The following SCAPER variants were observed in gnomAD, a reference collection of about 807,000 sequenced individuals.
SCAPER encodes the protein S-phase cyclin A associated protein in the ER, also known as S phase cyclin A-associated protein in the endoplasmic reticulum.
In SCAPER, 98 loss-of-function variants were observed where a neutral mutation model predicts 182.2. The ratio of observed to expected loss-of-function variants is 0.54; its 90% confidence interval spans 0.46 to 0.64. The LOEUF (loss-of-function observed/expected upper bound fraction) is 0.64. Among genes scored for constraint, SCAPER ranks in the 30% least tolerant of loss-of-function variants. The probability of loss-of-function intolerance (pLI) is 0.00; values close to 1 mark genes in which losing one functional copy is unlikely to be tolerated. For synonymous variants in SCAPER, 605 were observed against 564.6 expected (o/e 1.07, Z -1.01); for missense variants, 1,432 against 1,690.0 (o/e 0.85, Z 2.68).
intron 29 of SCAPER, among the ~76,000 whole-genome samples, chr15:76,374,488 CT>C (rs779428116): frequency 2.9e-3 from 397 of 135,416 alleles, no homozygotes; most frequent in Admixed American, 3.0e-3. Context: ...GAGTAGGGGG[CT>C]TTTTTTTTTT....
chr15:76,894,719 TATAGAA>T (rs1280743916), intron 1 of SCAPER, among the ~76,000 whole-genome samples: 1 of 152,094 alleles, frequency 6.6e-6, no homozygotes, highest in Non-Finnish European at 1.5e-5. Context: ...CAACTGATAT[TATAGAA>T]ATAAAGGGAT....
At chr15:76,722,891 T>A (rs548070067) in intron 17 of SCAPER, among the ~76,000 whole-genome samples, 1 of 152,202 alleles carries the variant, frequency 6.6e-6, no homozygotes, top group Non-Finnish European at 1.5e-5. Flanking sequence ...CCTGGATTCA[T>A]TGATTTTTTG....
At chr15:76,817,170 T>C (rs926628229) in intron 5 of SCAPER, among the ~76,000 whole-genome samples, 2 of 152,238 alleles carry the variant, frequency 1.3e-5, no homozygotes, top group Non-Finnish European at 2.9e-5. Context: ...ACCACCATTG[T>C]AGGTCAGCTG....
intron 2 of SCAPER, among the ~76,000 whole-genome samples, chr15:76,868,034 A>G (rs894790997): frequency 6.6e-6 from 1 of 152,176 alleles, no homozygotes; most frequent in African/African-American, 2.4e-5. Flanking sequence ...TGATAGAGTC[A>G]TAAGATAAAA....
At chr15:76,482,152 T>A (rs1266859312) in intron 24 of SCAPER, among the ~76,000 whole-genome samples, 5 of 152,180 alleles carry the variant, frequency 3.3e-5, no homozygotes, top group Non-Finnish European at 7.4e-5. Context: ...CTTCAAGGGG[T>A]ACAAAACTGT....
chr15:76,399,397 C>G (rs1448495065), intron 27 of SCAPER, among the ~76,000 whole-genome samples: 2 of 152,142 alleles, frequency 1.3e-5, no homozygotes, highest in African/African-American at 4.8e-5. Flanking sequence ...CTTGGCCTCC[C>G]AAAGTGCTGG....
intron 2 of SCAPER, among the ~76,000 whole-genome samples, chr15:76,874,902 T>G: frequency 6.6e-6 from 1 of 151,982 alleles, no homozygotes; most frequent in South Asian, 2.1e-4. Flanking sequence ...GTTCAAGGTT[T>G]CAGTGAGCTA....
intron 26 of SCAPER, among the ~76,000 whole-genome samples, chr15:76,424,722 T>G (rs1346866022): frequency 6.6e-6 from 1 of 152,226 alleles, no homozygotes; most frequent in African/African-American, 2.4e-5. Flanking sequence ...TCAATGGTCT[T>G]TACAATTTGG....
intron 5 of SCAPER, among the ~76,000 whole-genome samples, chr15:76,824,728 T>A (rs1410812427): frequency 1.3e-5 from 2 of 152,082 alleles, no homozygotes; most frequent in Non-Finnish European, 2.9e-5. Context: ...CTCATTTTTT[T>A]AAAATATCTC....
intron 4 of SCAPER, 66 bp from the exon 5 acceptor site, chr15:76,841,997 TAAAG>T: frequency 7.1e-7 from 1 of 1,406,622 alleles, no homozygotes; most frequent in South Asian, 1.3e-5. Flanking sequence ...GGATTTTTTA[TAAAG>T]ATTCAATCAA....
chr15:76,781,349 A>C (rs759980205), intron 8 of SCAPER, among the ~76,000 whole-genome samples: 2 of 152,228 alleles, frequency 1.3e-5, no homozygotes, highest in Non-Finnish European at 2.9e-5. Flanking sequence ...AAAAAGAGTA[A>C]AAAGAAACGA....
chr15:76,807,442 T>A (rs892903138), intron 5 of SCAPER, among the ~76,000 whole-genome samples: 11 of 152,234 alleles, frequency 7.2e-5, no homozygotes, highest in African/African-American at 2.4e-4. Flanking sequence ...CTGCTAGATT[T>A]GGTTTGCTAT....
At chr15:76,414,608 CCAAA>C (rs1433077840) in intron 26 of SCAPER, among the ~76,000 whole-genome samples, 2 of 151,902 alleles carry the variant, frequency 1.3e-5, no homozygotes, top group Admixed American at 6.6e-5. Context: ...ATGGAAAAGA[CCAAA>C]CAGTTATGTG....
At chr15:76,376,066 T>G in intron 29 of SCAPER, 96 bp downstream of exon 29, 1 of 1,481,450 alleles carries the variant, frequency 6.8e-7, no homozygotes, top group Non-Finnish European at 9.2e-7. Flanking sequence ...CAGAGGACAT[T>G]TGGGTTCCAG....
At chr15:76,896,641 T>G (rs1461324558) in intron 1 of SCAPER, among the ~76,000 whole-genome samples, 1 of 152,022 alleles carries the variant, frequency 6.6e-6, no homozygotes, top group African/African-American at 2.4e-5. Flanking sequence ...CCTGGCACAG[T>G]GGTTCATGCC....
rs77430099 is a variant in SCAPER at position 76,472,087 on chromosome 15, C to T, written c.2955-752G>A. ...CCTGCATCCATAGCATATGTCCTGCCGCATCACTGCCATGCCCAAGAAAAA... is the reference window on the plus strand; with the variant it reads ...CCTGCATCCATAGCATATGTCCTGCTGCATCACTGCCATGCCCAAGAAAAA... On this transcript the variant is annotated intron_variant, in intron 24 of 31. Coordinates refer to ENST00000563290, the MANE Select transcript of SCAPER (RefSeq NM_020843.4). 731 of 342,118 alleles carry T rather than the reference C, an allele frequency of 2.1e-3. 2 individuals are homozygous for T. The highest frequency in any genetic ancestry group is 3.4e-3 in the Non-Finnish European group (596 of 176,288). The allele number at this position is 342,118 out of a possible 1,614,324, so 21.2% of individuals were successfully genotyped here. A position where few individuals can be genotyped will look rare whatever the true frequency, so the allele number is the denominator to read the frequency against.
chr15:76,802,641 T>C (rs2065879648), intron 6 of SCAPER, among the ~76,000 whole-genome samples: 1 of 152,204 alleles, frequency 6.6e-6, no homozygotes, highest in African/African-American at 2.4e-5. Context: ...CCTTCTGGAT[T>C]TCTCCCTTGG....
chr15:76,421,280 C>T (rs1403844603), intron 26 of SCAPER, among the ~76,000 whole-genome samples: 2 of 152,188 alleles, frequency 1.3e-5, no homozygotes, highest in Non-Finnish European at 2.9e-5. Context: ...TCTCCAGCAC[C>T]TGCTGTTTCC....
At chr15:76,821,768 G>C (rs553478260) in intron 5 of SCAPER, among the ~76,000 whole-genome samples, 29 of 152,180 alleles carry the variant, frequency 1.9e-4, no homozygotes, top group Middle Eastern at 3.4e-3. Flanking sequence ...AATTAGTCAG[G>C]CATGGTGACG....
Sources: gnomAD v4.1 joint callset for allele counts (sites outside exome capture counted in the v4.1 genomes callset) on GRCh38, gnomAD v4.1.1 for gene constraint, MANE v1.5 for transcripts, NCBI Gene and HGNC (gene_info 2026-07-23, HGNC 2026-07-21) for gene names.